The following TRAPPC3L variants were observed in gnomAD, a reference collection of about 807,000 sequenced individuals.
The protein encoded by TRAPPC3L is trafficking protein particle complex subunit 3L.
TRAPPC3L carries 23 observed loss-of-function variants against 23.7 expected under a neutral mutation model. The ratio of observed to expected loss-of-function variants is 0.97; its 90% CI spans 0.70 to 1.37. The LOEUF (loss-of-function observed/expected upper bound fraction) is 1.37. Among genes scored for constraint, TRAPPC3L ranks in the 40% most tolerant of loss-of-function variants. The pLI is 0.00. For missense variants in TRAPPC3L, 212 were observed against 216.8 expected, an observed-to-expected ratio of 0.98 and a Z score of 0.14; for synonymous variants, 81 against 77.9, an observed-to-expected ratio of 1.04 and a Z score of -0.21.
chr6:116,543,748 GC>G (rs1442724333), intron 1 of TRAPPC3L: 6 of 1,294,980 alleles, frequency 4.6e-6, no homozygotes, highest in East Asian at 5.1e-5. Context: ...TAAAATATAT[GC>G]CATCCATGTT....
chr6:116,526,098 A>G (rs1772435216), intron 3 of TRAPPC3L, among the ~76,000 whole-genome samples: 2 of 152,166 alleles, frequency 1.3e-5, no homozygotes, highest in Admixed American at 6.5e-5. Context: ...AAACTGATCC[A>G]TTTCCACCTT....
At chr6:116,523,929 A>T (rs1029364724) in intron 3 of TRAPPC3L, 1 of 152,194 alleles carries the variant, frequency 6.6e-6, no homozygotes, top group Non-Finnish European at 1.5e-5. Flanking sequence ...TAATAACCAG[A>T]TATGCTATAT....
intron 3 of TRAPPC3L, 112 bp from the exon 4 acceptor site, chr6:116,500,778 G>A (rs948796495): frequency 8.8e-6 from 8 of 910,918 alleles, no homozygotes; most frequent in East Asian, 7.9e-5. Context: ...AGCACATGGA[G>A]TCTATAGTCA....
chr6:116,501,440 T>C (rs1023584744), intron 3 of TRAPPC3L, among the ~76,000 whole-genome samples: 1 of 152,238 alleles, frequency 6.6e-6, no homozygotes, highest in Non-Finnish European at 1.5e-5. Flanking sequence ...GGGCAGGGCA[T>C]ATCTGAACAA....
intron 3 of TRAPPC3L, chr6:116,511,614 A>C (rs1772120054): frequency 2.3e-6 from 3 of 1,284,208 alleles, no homozygotes; most frequent in Non-Finnish European, 3.3e-6. Flanking sequence ...TTTCTGATGA[A>C]GAAAGAGCTC....
chr6:116,526,370 C>T (rs1772439246), intron 3 of TRAPPC3L, among the ~76,000 whole-genome samples: 2 of 152,176 alleles, frequency 1.3e-5, no homozygotes, highest in South Asian at 2.1e-4. Flanking sequence ...AACCTGCAGC[C>T]TCACTTCTAT....
rs542719520 is a variant in TRAPPC3L at position 116,544,790 on chromosome 6, C to T, written c.42+683G>A. Among the ~76,000 whole-genome samples the T allele has an allele frequency of 3.3e-5, 5 of 152,122 alleles. No individual in the cohort carries two copies. In the South Asian group the frequency reaches 1.0e-3, roughly 32 times the overall value. ...TAGTTAGTCACTACAATTCTAAACA[C>T]CAAGTCTGAAATTACTTAATTATAT... is the stretch of plus-strand genomic sequence containing the variant. On this transcript the variant is annotated intron_variant, in intron 1 of 4. Transcript: ENST00000368602.
At position 116,496,907 on chromosome 6, in the gene TRAPPC3L, T is replaced by C. The variant is rs373776333; in HGVS notation, c.*47A>G. The C allele has an allele frequency of 4.1e-5, 63 of 1,520,086 alleles. No individual in the cohort carries two copies. The highest frequency in any genetic ancestry group is 1.5e-5 in the Non-Finnish European group (17 of 1,138,266). The allele number at this position is 1,520,086 out of a possible 1,614,324, so 94.2% of individuals were successfully genotyped here. Reference sequence around the variant, plus strand: ...ATTTCTATGTCTATACATGTTTAGCTAACATTAACTCAGCTAGCCGCCCCG... The same window carrying C: ...ATTTCTATGTCTATACATGTTTAGCCAACATTAACTCAGCTAGCCGCCCCG... On this transcript the variant is annotated 3_prime_UTR_variant, in exon 5 of 5. Transcript: ENST00000368602.
chr6:116,533,089 C>A (rs73769123), intron 3 of TRAPPC3L, among the ~76,000 whole-genome samples: 4,961 of 152,220 alleles, frequency 0.033, 264 homozygotes, highest in African/African-American at 0.11. Flanking sequence ...TGCCATTTAT[C>A]CTTGCATATC....
chr6:116,519,362 C>A (rs1273371332), intron 3 of TRAPPC3L: 1 of 152,222 alleles, frequency 6.6e-6, no homozygotes, highest in Non-Finnish European at 1.5e-5. Flanking sequence ...TCAGATTTCT[C>A]CTGATCCCAA....
chr6:116,527,442 G>A (rs1037232781), intron 3 of TRAPPC3L, among the ~76,000 whole-genome samples: 9 of 150,382 alleles, frequency 6.0e-5, no homozygotes, highest in Middle Eastern at 7.2e-3. Context: ...GTGAACCGGG[G>A]AGGCGGAGCT....
chr6:116,533,035 C>T (rs1184431881), intron 3 of TRAPPC3L, among the ~76,000 whole-genome samples: 1 of 152,194 alleles, frequency 6.6e-6, no homozygotes, highest in African/African-American at 2.4e-5. Flanking sequence ...TAAGTCTAAG[C>T]CCCCAGCTAC....
chr6:116,520,271 A>G (rs555773242), intron 3 of TRAPPC3L: 11 of 152,304 alleles, frequency 7.2e-5, no homozygotes, highest in African/African-American at 2.6e-4. Flanking sequence ...ATATATTTCA[A>G]GTACTTCAAC....
At chr6:116,526,580 C>G (rs1772442100) in intron 3 of TRAPPC3L, among the ~76,000 whole-genome samples, 1 of 152,124 alleles carries the variant, frequency 6.6e-6, no homozygotes, top group African/African-American at 2.4e-5. Context: ...TATGCAGGAG[C>G]TAGAATTGAT....
intron 3 of TRAPPC3L, chr6:116,524,755 T>C (rs1772413604): frequency 1.3e-5 from 2 of 152,348 alleles, no homozygotes; most frequent in South Asian, 4.1e-4. Context: ...AATCATTTTC[T>C]TATATTTCAA....
intron 3 of TRAPPC3L, among the ~76,000 whole-genome samples, chr6:116,525,950 A>G (rs575212307): frequency 5.3e-5 from 8 of 152,296 alleles, no homozygotes; most frequent in African/African-American, 1.9e-4. Context: ...TTTTGTTGGT[A>G]TTTGTGTCAC....
chr6:116,537,316 ATGT>A (rs774188533), intron 3 of TRAPPC3L, among the ~76,000 whole-genome samples: 6 of 152,172 alleles, frequency 3.9e-5, no homozygotes, highest in Admixed American at 2.0e-4. Context: ...TGGAAAGCAG[ATGT>A]TGTACATTTT....
intron 3 of TRAPPC3L, chr6:116,517,707 C>A (rs147656108): frequency 6.6e-6 from 1 of 152,042 alleles, no homozygotes; most frequent in African/African-American, 2.4e-5. Flanking sequence ...TCTGGTAGTA[C>A]GCGAATGAGA....
At chr6:116,522,062 A>G (rs1177363599) in intron 3 of TRAPPC3L, 1 of 152,212 alleles carries the variant, frequency 6.6e-6, no homozygotes, top group African/African-American at 2.4e-5. Context: ...AATGGCTCCA[A>G]TTGTCTCAGA....
Sources: allele counts gnomAD v4.1 joint callset (sites outside exome capture counted in the v4.1 genomes callset), GRCh38; gene constraint gnomAD v4.1.1; transcripts MANE v1.5; gene names NCBI Gene and HGNC (gene_info 2026-07-23, HGNC 2026-07-21).